Variants in HR observed in about 807,000 individuals in gnomAD.
HR encodes HR lysine demethylase and nuclear receptor corepressor, also known as lysine-specific demethylase hairless.
HR carries 83 observed loss-of-function variants against 128.6 expected under a neutral mutation model. That is an observed-to-expected ratio of 0.65 (90% CI 0.54 to 0.77). The LOEUF is 0.77. Among genes scored for constraint, HR ranks in the 30% least tolerant of loss-of-function variants. The pLI is 0.00. For missense variants in HR, 1,490 were observed against 1,574.6 expected (o/e 0.95, Z 0.91); for synonymous variants, 681 against 658.2 (o/e 1.03, Z -0.53).
chr8:22,115,687 A>C lies in HR; in HGVS notation c.*13T>G. 1.2e-6 allele frequency: 2 copies of C among 1,612,972 alleles called. No homozygotes were observed. The highest frequency in any genetic ancestry group is 1.7e-4 in the Middle Eastern group (1 of 6,060). On this transcript the variant is annotated 3_prime_UTR_variant, in exon 19 of 19. Coordinates refer to ENST00000381418, the MANE Select transcript of HR (RefSeq NM_005144.5). ...ACCTGTCCCCACCCCGATCCCAGAC[A>C]CCTAGCATCCCTCTATTTGGCCTCC...
At chr8:22,125,289 A>T (rs1826855123) in intron 5 of HR, 22 bp downstream of exon 5, 2 of 1,554,242 alleles carry the variant, frequency 1.3e-6, no homozygotes, top group Non-Finnish European at 1.7e-6. Flanking sequence ...GACCCCACGC[A>T]GACCCAGGAG....
chr8:22,123,738 T>C lies in HR; in HGVS notation c.1826A>G (p.Asn609Ser), dbSNP rs1332957009. ...CCSRCHHGLF[N>S]THWRCPRCSH... The stretch of plus-strand genomic sequence containing the variant: ...GCAGCGGGGACATCGCCAGTGGGTG[T>C]TGAAGAGTCCATGGTGGCAACGGCT... The change falls in exon 6 of 19, where the codon AAC becomes AGC. Residue 609 changes from asparagine (N) to serine (S), a missense_variant. By Grantham distance (46) the Asn-to-Ser change is conservative. Coordinates refer to ENST00000381418, the MANE Select transcript of HR (RefSeq NM_005144.5). The C allele has an allele frequency of 1.3e-6, 2 of 1,596,106 alleles. No individual in the cohort carries two copies. Among genetic ancestry groups the C allele is most frequent in the East Asian group, 4.5e-5 (2 of 44,480 alleles).
At chr8:22,126,121 G>A (rs1274010328) in intron 3 of HR, among the ~76,000 whole-genome samples, 4 of 152,232 alleles carry the variant, frequency 2.6e-5, no homozygotes, top group African/African-American at 4.8e-5. Flanking sequence ...CAACGTGGAC[G>A]GAGGGCGCCG....
chr8:22,128,968 C>T lies in HR; in HGVS notation c.203G>A (p.Gly68Asp), dbSNP rs1826977920. The T allele has an allele frequency of 1.9e-6, 3 of 1,613,362 alleles. No homozygotes were observed. The East Asian group carries it at 6.7e-5, about 36-fold the overall frequency. The change falls in exon 2 of 19, where the codon GGC becomes GAC. Residue 68 changes from glycine (G) to aspartate (D), a missense_variant. Coordinates refer to ENST00000381418, the MANE Select transcript of HR (RefSeq NM_005144.5). Reference sequence around the variant, plus strand: ...CACAAGTGGGAGCATGTCCTTGGGGCCCTGGGGGAAGCCAGGGGGAAGCCA... The same window carrying T: ...CACAAGTGGGAGCATGTCCTTGGGGTCCTGGGGGAAGCCAGGGGGAAGCCA... ...DSWLPPGFPQ[G>D]PKDMLPLVEG... is the part of the protein sequence containing the mutation.
At position 22,120,861 on chromosome 8, in the gene HR, G is replaced by C. The variant is rs756463050; in HGVS notation, c.2465C>G (p.Pro822Arg). 6.4e-7 allele frequency: 1 copy of C among 1,551,928 alleles called. No homozygotes were observed. The change falls in exon 11 of 19, where the codon CCG becomes CGG. Residue 822 changes from proline (P) to arginine (R), a missense_variant. This residue lies in a region of HR where 423 missense variants were observed against 495.9 expected (regional missense o/e 0.85). Transcript: ENST00000381418. ...CAGGCCCAGGCCCTTGCGCAGACCC[G>C]GGCCAGCTCGAAGCCCCGGCCCCAG... ...KALGPGLRAG[P>R]GLRKGLGLPL...
At position 22,128,060 on chromosome 8, in the gene HR, G is replaced by A. The variant is rs1001709867; in HGVS notation, c.613-231C>T. On this transcript the variant is annotated intron_variant, in intron 2 of 18. Coordinates refer to ENST00000381418, the MANE Select transcript of HR (RefSeq NM_005144.5). ...CCCACAAGGAAGTCTAAGAACTAAAGAGTGAATGCCTGGCACAGCCAAAGG... is the reference window on the plus strand; with the variant it reads ...CCCACAAGGAAGTCTAAGAACTAAAAAGTGAATGCCTGGCACAGCCAAAGG... 6.5e-6 allele frequency: 4 copies of A among 618,096 alleles called. No individual in the cohort carries two copies. In the African/African-American group the frequency reaches 7.3e-5, roughly 11 times the overall value. 38.3% of individuals were successfully genotyped at this position (618,096 alleles called of 1,614,324 possible). A position where few individuals can be genotyped will look rare whatever the true frequency, so the allele number is the denominator to read the frequency against.
chr8:22,114,571 G>T lies in HR; in HGVS notation c.*1129C>A. ...GGGCGGAGCGCCACCAGGAGGCTGCGGGCGTGGAGCGGGGACAAGGAGGGG... is the reference window on the plus strand; with the variant it reads ...GGGCGGAGCGCCACCAGGAGGCTGCTGGCGTGGAGCGGGGACAAGGAGGGG... On this transcript the variant is annotated 3_prime_UTR_variant, in exon 19 of 19. Coordinates refer to ENST00000381418, the MANE Select transcript of HR (RefSeq NM_005144.5). 6.5e-6 allele frequency: 1 copy of T among 153,376 alleles called. No individual in the cohort carries two copies. The highest frequency in any genetic ancestry group is 1.9e-4 in the East Asian group (1 of 5,242). 9.5% of individuals were successfully genotyped at this position (153,376 alleles called of 1,614,324 possible).
rs767723237 is a variant in HR at position 22,128,974 on chromosome 8, G to A, written c.197C>T (p.Pro66Leu). Residue 66 changes from proline to leucine, a missense_variant, in exon 2 of 19, where the codon CCC becomes CTC. Around this residue, in one of 3 missense-constraint regions of HR, gnomAD observed 1,060 missense variants for 1,060.9 expected, o/e 1.00. Transcript: ENST00000381418. Reference protein sequence around the residue: ...TPDSWLPPGFPQGPKDMLPLV... With the variant: ...TPDSWLPPGFLQGPKDMLPLV... ...TGGGAGCATGTCCTTGGGGCCCTGG[G>A]GGAAGCCAGGGGGAAGCCAGGAGTC... is the stretch of plus-strand genomic sequence containing the variant. 1.9e-6 allele frequency: 3 copies of A among 1,613,318 alleles called. No homozygotes were observed. Among genetic ancestry groups the A allele is most frequent in the South Asian group, 2.2e-5 (2 of 91,084 alleles).
chr8:22,122,679 T>A, intron 7 of HR, 71 bp from the exon 8 acceptor site: 3 of 1,493,776 alleles, frequency 2.0e-6, no homozygotes, highest in Non-Finnish European at 2.7e-6. Context: ...CCGGGCAGCT[T>A]GGCCTTGCCA....
In HR at chr8:22,119,121, C is replaced by T. The variant is rs762469105; in HGVS notation, c.3097+43G>A. On this transcript the variant is annotated intron_variant, in intron 15 of 18. Transcript: ENST00000381418. ...AGGGCTGGTGGCGACAAACACTCAC[C>T]TCTGTAGCTTGTCCCCGCTCCTGCC... 57 of 1,613,582 alleles carry T rather than the reference C, an allele frequency of 3.5e-5. No individual in the cohort carries two copies. The South Asian group carries it at 5.9e-4, about 17-fold the overall frequency.
intron 5 of HR, among the ~76,000 whole-genome samples, chr8:22,124,311 C>G (rs139771917): frequency 6.6e-6 from 1 of 152,196 alleles, no homozygotes; most frequent in Non-Finnish European, 1.5e-5. Flanking sequence ...CTCACTGCAG[C>G]CTCCATCTCC....
chr8:22,116,906 G>C lies in HR; in HGVS notation c.3347C>G (p.Ala1116Gly). Reference sequence around the variant, plus strand: ...GGGAGCCCCTGCAGGCACCAGCACGGCCTCTCCGGGGGCCTGGAGCAGGGT... The same window carrying C: ...GGGAGCCCCTGCAGGCACCAGCACGCCCTCTCCGGGGGCCTGGAGCAGGGT... ...CWTLLQAPGE[A>G]VLVPAGAPHQ... The change falls in exon 17 of 19, where the codon GCC (alanine) becomes GGC (glycine). Residue 1116 changes from alanine (A) to glycine (G), a missense_variant. By Grantham distance (60) the Ala-to-Gly change is moderately conservative. Coordinates refer to ENST00000381418, the MANE Select transcript of HR (RefSeq NM_005144.5). This position sits in a 1 kb window ranked among gnomAD's most constrained non-coding sequence, Gnocchi z 4.2. 1 of 1,563,768 alleles carries C rather than the reference G, an allele frequency of 6.4e-7. No individual in the cohort carries two copies. Among genetic ancestry groups the C allele is most frequent in the Non-Finnish European group, 8.6e-7 (1 of 1,159,728 alleles).
intron 6 of HR, among the ~76,000 whole-genome samples, 165 bp downstream of exon 6, chr8:22,123,484 A>G (rs1400911992): frequency 6.6e-6 from 1 of 152,220 alleles, no homozygotes; most frequent in Non-Finnish European, 1.5e-5. Flanking sequence ...TGATCTGCAG[A>G]GAGGGGAAGT....
chr8:22,125,809 C>G (rs1485831355), intron 3 of HR, 77 bp from the exon 4 acceptor site: 1 of 1,514,004 alleles, frequency 6.6e-7, no homozygotes, highest in South Asian at 1.2e-5. Flanking sequence ...TTAGCGCCCA[C>G]CCCATCCACA....
Position 22,115,385 on chromosome 8 carries a change from G to A in HR, c.*315C>T. 1.9e-6 allele frequency: 1 copy of A among 519,520 alleles called. No homozygotes were observed. The highest frequency in any genetic ancestry group is 1.9e-5 in the African/African-American group (1 of 52,412). 32.2% of individuals were successfully genotyped at this position (519,520 alleles called of 1,614,324 possible). Reference sequence around the variant, plus strand: ...GATTCCCAAGTTTCCCCAAGGAAGGGCTGTTTGTCTCCTGGGTCTCGGAGG... The same window carrying A: ...GATTCCCAAGTTTCCCCAAGGAAGGACTGTTTGTCTCCTGGGTCTCGGAGG... On this transcript the variant is annotated 3_prime_UTR_variant, in exon 19 of 19. Coordinates refer to ENST00000381418, the MANE Select transcript of HR (RefSeq NM_005144.5).
chr8:22,129,284 G>A, intron 1 of HR, 74 bp from the exon 2 acceptor site: 1 of 1,338,228 alleles, frequency 7.5e-7, no homozygotes, highest in Non-Finnish European at 1.0e-6. Context: ...CACAGAGTGG[G>A]CACCGCCCTG....
chr8:22,122,324 G>C (rs1039555408), intron 8 of HR, among the ~76,000 whole-genome samples, 169 bp downstream of exon 8: 1 of 152,048 alleles, frequency 6.6e-6, no homozygotes, highest in Non-Finnish European at 1.5e-5. Flanking sequence ...AGGTGGGAGG[G>C]GCCAGCGCTG....
rs906644607 is a variant in HR, at chr8:22,114,500, G to T, written c.*1200C>A. The T allele has an allele frequency of 6.5e-6, 1 of 152,706 alleles. No homozygotes were observed. Among genetic ancestry groups the T allele is most frequent in the African/African-American group, 2.4e-5 (1 of 41,462 alleles). 9.5% of individuals were successfully genotyped at this position (152,706 alleles called of 1,614,324 possible). A position where few individuals can be genotyped will look rare whatever the true frequency, so the allele number is the denominator to read the frequency against. On this transcript the variant is annotated 3_prime_UTR_variant, in exon 19 of 19. Transcript: ENST00000381418. ...GAACAATTAGGTATGACAAGAGTGG[G>T]AGTGTTTTTCTTTGTAGGGCTGAGA...
Position 22,127,736 on chromosome 8 carries a change from G to A in HR, c.706C>T (p.His236Tyr), listed in dbSNP as rs1826937421. Reference sequence around the variant, plus strand: ...TCGGCCTCCCCGGCTCTCTGCAGGTGCCCACCAGAGTTTAAGCCAAACAAC... The same window carrying A: ...TCGGCCTCCCCGGCTCTCTGCAGGTACCCACCAGAGTTTAAGCCAAACAAC... ...PGLFGLNSGG[H>Y]LQRAGEAERP... Residue 236 changes from histidine (H) to tyrosine (Y), a missense_variant, in exon 3 of 19, where the codon CAC becomes TAC. His to Tyr is a moderately conservative substitution (Grantham distance 83, BLOSUM62 2). This residue lies in a region of HR where 1,060 missense variants were observed against 1,060.9 expected (regional missense o/e 1.00). Coordinates refer to ENST00000381418, the MANE Select transcript of HR (RefSeq NM_005144.5). 5 of 1,604,584 alleles carry A rather than the reference G, an allele frequency of 3.1e-6. No individual in the cohort carries two copies. Among genetic ancestry groups the A allele is most frequent in the Non-Finnish European group, 3.4e-6 (4 of 1,179,980 alleles).
Sources: allele counts gnomAD v4.1 joint callset (sites outside exome capture counted in the v4.1 genomes callset), GRCh38; gene constraint gnomAD v4.1.1; regional missense constraint gnomAD v4.1.1; non-coding constraint Gnocchi (gnomAD v3.1); transcripts MANE v1.5; gene names NCBI Gene and HGNC (gene_info 2026-07-23, HGNC 2026-07-21).